SEMA6D: variants seen among roughly 807,000 people sequenced by gnomAD.
SEMA6D encodes the protein semaphorin-6D.
Under a neutral mutation model 106.6 loss-of-function variants are expected in SEMA6D, and 35 were observed. That is an observed-to-expected ratio of 0.33 (90% confidence interval 0.25 to 0.44). The LOEUF (loss-of-function observed/expected upper bound fraction) is 0.44. SEMA6D is among the 20% of genes least tolerant of loss of function. SEMA6D has a pLI of 1.00. For synonymous variants in SEMA6D, 499 were observed against 487.7 expected (o/e 1.02, Z -0.31); for missense variants, 1,185 against 1,345.9 (o/e 0.88, Z 1.87).
chr15:47,521,813 G>A (rs1049023220), intron 3 of SEMA6D, among the ~76,000 whole-genome samples: 34 of 152,080 alleles, frequency 2.2e-4, no homozygotes, highest in Non-Finnish European at 4.0e-4. Flanking sequence ...GTGAAACCCC[G>A]TCTCTACTAA....
Position 47,360,793 on chromosome 15 carries a change from A to G in SEMA6D, c.-238-51600A>G, listed in dbSNP as rs146009049. 1.3e-4 allele frequency among the ~76,000 whole-genome samples: 20 copies of G among 152,396 alleles called. No homozygotes were observed. The East Asian group carries it at 3.5e-3, about 26-fold the overall frequency. On this transcript the variant is annotated intron_variant, in intron 1 of 19. Transcript: ENST00000558014. ...AGAAAGCAGTCAGAAAAATAAAATG[A>G]ATATGAAAGAAAGTAAACTAAAATG... is the stretch of plus-strand genomic sequence containing the variant.
chr15:47,201,441 C>T (rs1324671143), intron 1 of SEMA6D, among the ~76,000 whole-genome samples: 1 of 152,122 alleles, frequency 6.6e-6, no homozygotes, highest in Non-Finnish European at 1.5e-5. Context: ...ATAATTTTTC[C>T]TATGACCCTG....
At chr15:47,681,249 T>C (rs983530935) in intron 4 of SEMA6D, among the ~76,000 whole-genome samples, 3 of 152,192 alleles carry the variant, frequency 2.0e-5, no homozygotes, top group Non-Finnish European at 4.4e-5. Flanking sequence ...TGTACATACA[T>C]TGAGATATTA....
chr15:47,735,704 G>A (rs972304353), intron 1 of SEMA6D, among the ~76,000 whole-genome samples: 2 of 152,032 alleles, frequency 1.3e-5, no homozygotes, highest in Admixed American at 6.6e-5. Context: ...CTAATCACCC[G>A]CCTAAACGTT....
At position 47,315,433 on chromosome 15, in the gene SEMA6D, T is replaced by A. The variant is rs550981443; in HGVS notation, c.-238-96960T>A. Among the ~76,000 whole-genome samples, 65 of 151,652 alleles carry A rather than the reference T, an allele frequency of 4.3e-4. 1 individual carries two copies. The South Asian group carries it at 0.013, about 31-fold the overall frequency. ...TACGGGGGTCTATTTCTGGACTCTC[T>A]ATCCTCTTCCATTAATCTATTTGTC... On this transcript the variant is annotated intron_variant, in intron 1 of 19. Coordinates refer to the SEMA6D transcript ENST00000558014.
At chr15:47,577,147 C>T (rs913958266) in intron 3 of SEMA6D, among the ~76,000 whole-genome samples, 1 of 152,192 alleles carries the variant, frequency 6.6e-6, no homozygotes, top group African/African-American at 2.4e-5. Context: ...TTTTCTGTTT[C>T]ACAATCTTCA....
At chr15:47,559,637 G>C (rs2046019275) in intron 3 of SEMA6D, among the ~76,000 whole-genome samples, 1 of 152,122 alleles carries the variant, frequency 6.6e-6, no homozygotes, top group African/African-American at 2.4e-5. Context: ...TCTGGGAGAT[G>C]AGATAGGATT....
intron 4 of SEMA6D, among the ~76,000 whole-genome samples, chr15:47,662,854 A>AGC (rs1254486355): frequency 1.1e-4 from 10 of 91,658 alleles, no homozygotes; most frequent in African/African-American, 4.1e-4. Flanking sequence ...TGCGTGTATG[A>AGC]GCGCACACAC....
At chr15:47,766,853 CT>C (rs1224451739) in intron 16 of SEMA6D, among the ~76,000 whole-genome samples, 176 bp downstream of exon 16, 6 of 151,422 alleles carry the variant, frequency 4.0e-5, no homozygotes, top group East Asian at 1.9e-4. Context: ...AAGAGGCTTA[CT>C]TTTTTTTTCC....
intron 1 of SEMA6D, among the ~76,000 whole-genome samples, chr15:47,335,695 A>G (rs1372393664): frequency 6.6e-6 from 1 of 152,182 alleles, no homozygotes; most frequent in East Asian, 1.9e-4. Flanking sequence ...CTCAACTTCC[A>G]CATATGGGTC....
At chr15:47,357,475 G>A (rs1250587381) in intron 1 of SEMA6D, among the ~76,000 whole-genome samples, 1 of 152,116 alleles carries the variant, frequency 6.6e-6, no homozygotes, top group Non-Finnish European at 1.5e-5. Context: ...AAATGTATAT[G>A]GTCCCACAAT....
chr15:47,606,271 T>A (rs2076780474), intron 4 of SEMA6D: 1 of 152,082 alleles, frequency 6.6e-6, no homozygotes, highest in Non-Finnish European at 1.5e-5. Context: ...TGGATGGGGC[T>A]CTCTGGGTTG....
At chr15:47,427,184 G>A (rs1289236603) in intron 2 of SEMA6D, among the ~76,000 whole-genome samples, 1 of 152,094 alleles carries the variant, frequency 6.6e-6, no homozygotes, top group Non-Finnish European at 1.5e-5. Context: ...GGGGAGAAAG[G>A]AGGCACTGAT....
intron 4 of SEMA6D, among the ~76,000 whole-genome samples, chr15:47,637,210 G>A (rs193285876): frequency 1.3e-5 from 2 of 152,136 alleles, no homozygotes; most frequent in Non-Finnish European, 1.5e-5. Flanking sequence ...ACTGGAACAC[G>A]CTCCAGGAGA....
At chr15:47,236,166 C>G (rs1002671508) in intron 1 of SEMA6D, among the ~76,000 whole-genome samples, 1 of 152,034 alleles carries the variant, frequency 6.6e-6, no homozygotes, top group African/African-American at 2.4e-5. Flanking sequence ...ATAGTTTTGG[C>G]CAGATTTTTA....
chr15:47,282,297 T>C (rs887702752), intron 1 of SEMA6D, among the ~76,000 whole-genome samples: 3 of 152,216 alleles, frequency 2.0e-5, no homozygotes, highest in African/African-American at 7.2e-5. Context: ...TTTTGAATTT[T>C]GTGTAAACGG....
chr15:47,247,015 T>C (rs956885659), intron 1 of SEMA6D, among the ~76,000 whole-genome samples: 7 of 152,210 alleles, frequency 4.6e-5, no homozygotes, highest in Admixed American at 3.9e-4. Flanking sequence ...AATTTTAATG[T>C]TATCAATCTA....
chr15:47,325,946 A>C (rs1028020814), intron 1 of SEMA6D, among the ~76,000 whole-genome samples: 1 of 152,246 alleles, frequency 6.6e-6, no homozygotes, highest in Non-Finnish European at 1.5e-5. Flanking sequence ...AAGAAAACTC[A>C]TGTAACTAGT....
chr15:47,496,548 C>T (rs1044410852), intron 3 of SEMA6D, among the ~76,000 whole-genome samples: 2 of 152,058 alleles, frequency 1.3e-5, no homozygotes, highest in African/African-American at 4.8e-5. Flanking sequence ...ACCTCCGATA[C>T]CAATGACTCA....
Sources: allele counts gnomAD v4.1 joint callset (sites outside exome capture counted in the v4.1 genomes callset), GRCh38; gene constraint gnomAD v4.1.1; transcripts MANE v1.5; gene names NCBI Gene and HGNC (gene_info 2026-07-23, HGNC 2026-07-21).